IVNS1ABP: variants seen among roughly 807,000 people sequenced by gnomAD.
IVNS1ABP encodes the protein influenza virus NS1A-binding protein.
A neutral mutation model predicts 78.9 loss-of-function variants in IVNS1ABP; 25 were observed. That is an observed-to-expected ratio of 0.32 (90% confidence interval 0.23 to 0.44). IVNS1ABP has a LOEUF of 0.44. Among genes scored for constraint, IVNS1ABP ranks in the 20% least tolerant of loss-of-function variants. IVNS1ABP has a pLI of 1.00. For missense variants in IVNS1ABP, 494 were observed against 768.9 expected (o/e 0.64, Z 4.23); for synonymous variants, 241 against 259.7 (o/e 0.93, Z 0.69).
Position 185,297,920 on chromosome 1 carries a change from C to CT in IVNS1ABP, c.*114dup. The CT allele has an allele frequency of 6.1e-6, 6 of 985,960 alleles. No homozygotes were observed. Among genetic ancestry groups the CT allele is most frequent in the Non-Finnish European group, 9.2e-6 (6 of 655,228 alleles). 61.1% of individuals were successfully genotyped at this position (985,960 alleles called of 1,614,324 possible). A position where few individuals can be genotyped will look rare whatever the true frequency, so the allele number is the denominator to read the frequency against. The stretch of plus-strand genomic sequence containing the variant: ...TTTAATAGTATGCAATATGCAAAAG[C>CT]TTTGTGTTGCTGTTAGCAACATCTA... On this transcript the variant is annotated 3_prime_UTR_variant, in exon 15 of 15. Coordinates refer to ENST00000367498, the MANE Select transcript of IVNS1ABP (RefSeq NM_006469.5).
intron 5 of IVNS1ABP, 134 bp from the exon 6 acceptor site, chr1:185,307,796 AGTG>A (rs1437609302): frequency 1.7e-6 from 2 of 1,186,866 alleles, no homozygotes; most frequent in Non-Finnish European, 2.3e-6. Context: ...AAATGTTAAT[AGTG>A]GTAATAACAC....
At chr1:185,314,270 G>GT (rs1665957928) in intron 1 of IVNS1ABP, among the ~76,000 whole-genome samples, 1 of 152,124 alleles carries the variant, frequency 6.6e-6, no homozygotes, top group Non-Finnish European at 1.5e-5. Context: ...TCATAGTTTT[G>GT]TAATTCTTTC....
rs887162301 is a variant in IVNS1ABP at position 185,296,704 on chromosome 1, C to G, written c.*1331G>C. 3 of 152,028 alleles carry G rather than the reference C, an allele frequency of 2.0e-5. No homozygotes were observed. Among genetic ancestry groups the G allele is most frequent in the African/African-American group, 7.2e-5 (3 of 41,394 alleles). 9.4% of individuals were successfully genotyped at this position (152,028 alleles called of 1,614,324 possible). ...TCATCTCAGAATAGTCACCTCATCCCAGTTGGCCCATTAGGTTCCTGTGTG... is the reference window on the plus strand; with the variant it reads ...TCATCTCAGAATAGTCACCTCATCCGAGTTGGCCCATTAGGTTCCTGTGTG... On this transcript the variant is annotated 3_prime_UTR_variant, in exon 15 of 15. Transcript: ENST00000367498.
intron 10 of IVNS1ABP, 49 bp downstream of exon 10, chr1:185,300,923 C>A: frequency 6.9e-7 from 1 of 1,455,866 alleles, no homozygotes; most frequent in South Asian, 1.2e-5. Flanking sequence ...TTGCATGTCA[C>A]AAAAATGCCC....
intron 8 of IVNS1ABP, among the ~76,000 whole-genome samples, chr1:185,302,431 T>C (rs1665625508): frequency 6.6e-6 from 1 of 152,138 alleles, no homozygotes; most frequent in Non-Finnish European, 1.5e-5. Flanking sequence ...AACTGCCAAA[T>C]GAACAGGTAG....
At chr1:185,300,879 G>T (rs1665577180) in intron 10 of IVNS1ABP, 93 bp downstream of exon 10, 2 of 924,408 alleles carry the variant, frequency 2.2e-6, no homozygotes, top group Non-Finnish European at 3.4e-6. Context: ...GGATTGCCGT[G>T]AAAGATGGCA....
intron 8 of IVNS1ABP, among the ~76,000 whole-genome samples, chr1:185,302,318 G>A (rs1054501951): frequency 7.9e-5 from 12 of 152,142 alleles, no homozygotes; most frequent in African/African-American, 2.9e-4. Context: ...GTGTTCTCAT[G>A]TATGAGTTTT....
chr1:185,315,706 T>A (rs1484465047), intron 1 of IVNS1ABP, among the ~76,000 whole-genome samples: 1 of 152,220 alleles, frequency 6.6e-6, no homozygotes, highest in Non-Finnish European at 1.5e-5. Flanking sequence ...AAAGTAATCA[T>A]CAGTATTTTG....
Position 185,300,332 on chromosome 1 carries a change from A to G in IVNS1ABP, c.1254T>C (p.Tyr418=), listed in dbSNP as rs1251838931. 4 of 1,613,392 alleles carry G rather than the reference A, an allele frequency of 2.5e-6. No individual in the cohort carries two copies. Among genetic ancestry groups the G allele is most frequent in the South Asian group, 2.2e-5 (2 of 91,080 alleles). Residue 418 remains tyrosine, a synonymous_variant, in exon 12 of 15, where the codon TAT becomes TAC. Coordinates refer to ENST00000367498, the MANE Select transcript of IVNS1ABP (RefSeq NM_006469.5). ...AGTGGCCATTTGATCCACCTACCAC[A>G]TAGAGCTGGCCCTATGCCAAAAGTG... ...FQMAVLMGQL[Y]VVGGSNGHSD... is the part of the protein sequence containing the mutation.
intron 1 of IVNS1ABP, among the ~76,000 whole-genome samples, chr1:185,313,329 G>C (rs1034721588): frequency 2.0e-5 from 3 of 152,048 alleles, no homozygotes; most frequent in Non-Finnish European, 1.5e-5. Flanking sequence ...GTACATCAAG[G>C]TCATAATATG....
Position 185,307,426 on chromosome 1 carries a change from C to T in IVNS1ABP, c.531+63G>A, listed in dbSNP as rs568478090. 3 of 1,291,182 alleles carry T rather than the reference C, an allele frequency of 2.3e-6. No homozygotes were observed. The South Asian group carries it at 4.0e-5, about 17-fold the overall frequency. The allele number at this position is 1,291,182 out of a possible 1,614,324, so 80.0% of individuals were successfully genotyped here. A position where few individuals can be genotyped will look rare whatever the true frequency, so the allele number is the denominator to read the frequency against. ...AATCATTACTCACTTGCTTGAAACACAGACCAAGATTCCACGCCTGGAACT... is the reference window on the plus strand; with the variant it reads ...AATCATTACTCACTTGCTTGAAACATAGACCAAGATTCCACGCCTGGAACT... On this transcript the variant is annotated intron_variant, in intron 6 of 14. Coordinates refer to ENST00000367498, the MANE Select transcript of IVNS1ABP (RefSeq NM_006469.5).
In IVNS1ABP at chr1:185,301,052, A is replaced by G; in HGVS notation, c.1040T>C (p.Ile347Thr). ...CTGCATAGGAGACATGGGCTTTTCG[A>G]TTAGCTCATCTTGTTGCATCTCAAA... ...LSFEMQQDEL[I>T]EKPMSPMQYA... The change falls in exon 10 of 15, where the codon ATC becomes ACC. Residue 347 changes from isoleucine to threonine, a missense_variant. Ile to Thr is a moderately conservative substitution (Grantham distance 89, BLOSUM62 -1). Coordinates refer to ENST00000367498, the MANE Select transcript of IVNS1ABP (RefSeq NM_006469.5). 1 of 1,613,488 alleles carries G rather than the reference A, an allele frequency of 6.2e-7. No homozygotes were observed.
chr1:185,316,917 C>T, intron 1 of IVNS1ABP, 36 bp downstream of exon 1: 1 of 398,358 alleles, frequency 2.5e-6, no homozygotes, highest in South Asian at 1.3e-4. Context: ...CGCGCCGTCT[C>T]CCTCATCTGT....
chr1:185,300,208 T>A lies in IVNS1ABP; in HGVS notation c.1369+9A>T. The A allele has an allele frequency of 6.2e-7, 1 of 1,612,320 alleles. No individual in the cohort carries two copies. Among genetic ancestry groups the A allele is most frequent in the Non-Finnish European group, 8.5e-7 (1 of 1,179,124 alleles). On this transcript the variant is annotated intron_variant, in intron 12 of 14. Transcript: ENST00000367498. ...AATACTGGATATCTCAGGAGAAAAC[T>A]ATTATTACCTGCATTACAACGGTTA...
intron 8 of IVNS1ABP, among the ~76,000 whole-genome samples, chr1:185,303,631 T>G (rs1443984205): frequency 2.0e-5 from 3 of 152,046 alleles, no homozygotes; most frequent in Admixed American, 2.0e-4. Context: ...AAATGTCTAT[T>G]TATATATAGA....
At chr1:185,314,523 T>C (rs1403896916) in intron 1 of IVNS1ABP, among the ~76,000 whole-genome samples, 1 of 152,188 alleles carries the variant, frequency 6.6e-6, no homozygotes, top group Non-Finnish European at 1.5e-5. Context: ...GCAGGATGCA[T>C]ATGGTAATAG....
chr1:185,301,444 T>C lies in IVNS1ABP; in HGVS notation c.885A>G (p.Glu295=). The change falls in exon 9 of 15, where the codon GAA becomes GAG. Residue 295 remains glutamate (E), a synonymous_variant. Coordinates refer to ENST00000367498, the MANE Select transcript of IVNS1ABP (RefSeq NM_006469.5). The stretch of plus-strand genomic sequence containing the variant: ...GTGTCATATACTTACTTGAAGTCTT[T>C]TCTGAAGCAACGATTTTCCACTCAT... The part of the protein sequence containing the change: ...PKHEWKIVAS[E]KTSNNTYLCL... The C allele has an allele frequency of 1.9e-6, 3 of 1,613,282 alleles. No individual in the cohort carries two copies. Among genetic ancestry groups the C allele is most frequent in the Non-Finnish European group, 2.5e-6 (3 of 1,179,438 alleles).
In IVNS1ABP at chr1:185,305,536, C is replaced by T; in HGVS notation, c.765G>A (p.Gln255=). Residue 255 remains glutamine (Q), a splice_region_variant and synonymous_variant, in exon 8 of 15, where the codon CAG becomes CAA. Coordinates refer to ENST00000367498, the MANE Select transcript of IVNS1ABP (RefSeq NM_006469.5). The surrounding 1 kb of genome is among the most constrained non-coding windows in gnomAD (Gnocchi z 4.0). ...TTACCTCAGACTGTGCAATGTGTAC[C>T]TGCACAAACTGAATGTGGTCATCAT... ...GSDDDHIQFV[Q]KKPPRENGHK... 6.2e-7 allele frequency: 1 copy of T among 1,612,840 alleles called. No homozygotes were observed. Among genetic ancestry groups the T allele is most frequent in the Non-Finnish European group, 8.5e-7 (1 of 1,179,388 alleles).
chr1:185,316,594 G>A (rs1034911254), intron 1 of IVNS1ABP, among the ~76,000 whole-genome samples: 1 of 152,220 alleles, frequency 6.6e-6, no homozygotes, highest in Admixed American at 6.5e-5. Flanking sequence ...CCCGCCCGCG[G>A]CGCCCTAACC....
Sources: allele counts gnomAD v4.1 joint callset (sites outside exome capture counted in the v4.1 genomes callset), GRCh38; gene constraint gnomAD v4.1.1; non-coding constraint Gnocchi (gnomAD v3.1); transcripts MANE v1.5; gene names NCBI Gene and HGNC (gene_info 2026-07-23, HGNC 2026-07-21).